Variants in PDE8B observed in about 807,000 individuals in gnomAD.
PDE8B encodes the protein high affinity cAMP-specific and IBMX-insensitive 3',5'-cyclic phosphodiesterase 8B.
Under a neutral mutation model 101.3 loss-of-function variants are expected in PDE8B, and 26 were observed. That is an observed-to-expected ratio of 0.26 (90% confidence interval 0.19 to 0.36). The LOEUF is 0.36. Ranked by LOEUF, PDE8B falls within the 10% of genes least tolerant of loss-of-function variation. PDE8B has a pLI of 1.00. For missense variants in PDE8B, 810 were observed against 1,163.1 expected (o/e 0.70, Z 4.42); for synonymous variants, 424 against 429.3 (o/e 0.99, Z 0.15).
chr5:77,424,819 G>GTTTTTTTTTTTTTTTTTTT (rs912849753), intron 20 of PDE8B, among the ~76,000 whole-genome samples: 2 of 110,046 alleles, frequency 1.8e-5, no homozygotes. Flanking sequence ...CTGTTTTTTT[G>GTTTTTTTTTTTTTTTTTTT]TTTTTTGTTT....
chr5:77,335,564 T>TGTGAGA (rs777358989), intron 5 of PDE8B, among the ~76,000 whole-genome samples: 15 of 99,968 alleles, frequency 1.5e-4, no homozygotes, highest in African/African-American at 5.0e-4. Context: ...TGTGTGTGTG[T>TGTGAGA]GAGAGAGAGA....
rs147030573 is a variant in PDE8B at position 77,341,504 on chromosome 5, A to G, written c.798-3349A>G. 2.0e-3 allele frequency among the ~76,000 whole-genome samples: 298 copies of G among 152,306 alleles called. 2 individuals carry two copies. The highest frequency in any genetic ancestry group is 6.8e-3 in the African/African-American group (283 of 41,562). ...GTACCTGTTTATATACTTAGTTGAA[A>G]CCTGTTTACATAGTTAGAGAAAATA... On this transcript the variant is annotated intron_variant, in intron 6 of 21. Coordinates refer to ENST00000264917, the MANE Select transcript of PDE8B (RefSeq NM_003719.5).
the PDE8B span, among the ~76,000 whole-genome samples, chr5:77,169,123 T>C: frequency 6.6e-6 from 1 of 152,224 alleles, no homozygotes; most frequent in African/African-American, 2.4e-5. Context: ...TATTTAGACA[T>C]GGGTGTCAGT....
intron 10 of PDE8B, among the ~76,000 whole-genome samples, chr5:77,383,365 A>T (rs192939269): frequency 2.0e-5 from 3 of 152,060 alleles, no homozygotes; most frequent in South Asian, 4.2e-4. Context: ...GATTACAAAA[A>T]TTTTCTCCCA....
intron 1 of PDE8B, among the ~76,000 whole-genome samples, chr5:77,233,400 G>T (rs970595672): frequency 6.6e-6 from 1 of 152,048 alleles, no homozygotes; most frequent in Non-Finnish European, 1.5e-5. Context: ...CTTCCTTTTC[G>T]TGGTTAAAGG....
At chr5:77,371,004 G>A (rs1039315666) in intron 10 of PDE8B, among the ~76,000 whole-genome samples, 1 of 152,166 alleles carries the variant, frequency 6.6e-6, no homozygotes, top group African/African-American at 2.4e-5. Flanking sequence ...TTATTGAGTT[G>A]TATTAGTTCT....
At chr5:77,415,404 T>C (rs895488501) in intron 17 of PDE8B, among the ~76,000 whole-genome samples, 8 of 146,616 alleles carry the variant, frequency 5.5e-5, no homozygotes, top group Non-Finnish European at 1.2e-4. Context: ...GTCACCCAGG[T>C]TGGAGTGCAA....
At chr5:77,095,563 G>A in the PDE8B span, among the ~76,000 whole-genome samples, 3 of 152,184 alleles carry the variant, frequency 2.0e-5, no homozygotes, top group Admixed American at 6.5e-5. Flanking sequence ...ACCCAGTTGA[G>A]ATGTCTTTGG....
intron 10 of PDE8B, among the ~76,000 whole-genome samples, chr5:77,365,080 C>A (rs536490553): frequency 3.3e-5 from 5 of 152,318 alleles, no homozygotes; most frequent in African/African-American, 1.2e-4. Context: ...CATCTACCCA[C>A]TGGTGCTAGG....
intron 1 of PDE8B, among the ~76,000 whole-genome samples, chr5:77,245,839 T>TCCCTCCTCCCCCC (rs1756766950): frequency 1.6e-4 from 1 of 6,078 alleles, no homozygotes; most frequent in African/African-American, 4.1e-4. Flanking sequence ...TATAACCTCC[T>TCCCTCCTCCCCCC]CCCCCCCCCG....
chr5:77,290,732 T>A, intron 1 of PDE8B: 2 of 1,493,550 alleles, frequency 1.3e-6, no homozygotes, highest in Non-Finnish European at 1.9e-6. Flanking sequence ...AGCAGTGGAA[T>A]CCTGTAGGCC....
intron 1 of PDE8B, among the ~76,000 whole-genome samples, chr5:77,260,541 T>C (rs1450302589): frequency 6.6e-6 from 1 of 151,890 alleles, no homozygotes; most frequent in African/African-American, 2.4e-5. Context: ...AAAAAGTGAG[T>C]ATATCCTTGG....
At chr5:77,202,924 A>G in the PDE8B span, among the ~76,000 whole-genome samples, 2 of 152,250 alleles carry the variant, frequency 1.3e-5, no homozygotes, top group Admixed American at 1.3e-4. Flanking sequence ...TTGAGGAGTC[A>G]AAAGTAACAT....
chr5:77,166,094 C>T, the PDE8B span, among the ~76,000 whole-genome samples: 1 of 151,562 alleles, frequency 6.6e-6, no homozygotes, highest in Admixed American at 6.6e-5. Context: ...TTTGGATGCT[C>T]AGTGCTTAGG....
chr5:77,215,390 A>T (rs1444804173), intron 1 of PDE8B, among the ~76,000 whole-genome samples: 1 of 152,228 alleles, frequency 6.6e-6, no homozygotes, highest in Non-Finnish European at 1.5e-5. Flanking sequence ...ATTTCATAAA[A>T]TCCAAGTTTG....
chr5:77,308,713 G>A (rs1771821617), intron 1 of PDE8B, among the ~76,000 whole-genome samples: 1 of 152,150 alleles, frequency 6.6e-6, no homozygotes, highest in Admixed American at 6.5e-5. Context: ...CTGCCCCTAG[G>A]ATTACAGGTG....
At chr5:77,357,521 G>C (rs1782327127) in intron 10 of PDE8B, among the ~76,000 whole-genome samples, 1 of 152,160 alleles carries the variant, frequency 6.6e-6, no homozygotes, top group Admixed American at 6.5e-5. Flanking sequence ...ATGTCACAGA[G>C]GAGACTGCCC....
the PDE8B span, among the ~76,000 whole-genome samples, chr5:77,163,892 T>G: frequency 1.3e-5 from 2 of 152,242 alleles, no homozygotes; most frequent in African/African-American, 4.8e-5. Flanking sequence ...TCCCCACTGA[T>G]CAGTTAAACG....
the PDE8B span, among the ~76,000 whole-genome samples, chr5:77,120,381 T>C: frequency 6.6e-6 from 1 of 152,204 alleles, no homozygotes; most frequent in Non-Finnish European, 1.5e-5. Context: ...ATGGTACACT[T>C]ACAAGTGTTC....
Sources: allele counts gnomAD v4.1 joint callset (sites outside exome capture counted in the v4.1 genomes callset), GRCh38; gene constraint gnomAD v4.1.1; transcripts MANE v1.5; gene names NCBI Gene and HGNC (gene_info 2026-07-23, HGNC 2026-07-21).